RANBP2: variants seen among roughly 807,000 people sequenced by gnomAD.
The protein encoded by RANBP2 is E3 SUMO-protein ligase RanBP2.
A neutral mutation model predicts 303.6 loss-of-function variants in RANBP2; 57 were observed. That is an observed-to-expected ratio of 0.19 (90% CI 0.15 to 0.23). The LOEUF (loss-of-function observed/expected upper bound fraction) is 0.23, where lower values mean the gene tolerates loss of function less well. Ranked by LOEUF, RANBP2 falls within the 10% of genes least tolerant of loss-of-function variation. The pLI, the probability that RANBP2 is intolerant of heterozygous loss-of-function variation, is 1.00. For synonymous variants in RANBP2, 1,167 were observed against 1,301.5 expected, an observed-to-expected ratio of 0.90 and a Z score of 2.23; for missense variants, 3,138 against 3,780.8, an observed-to-expected ratio of 0.83 and a Z score of 4.46.
At chr2:109,423,931 A>G in the RANBP2 span, among the ~76,000 whole-genome samples, 1 of 152,208 alleles carries the variant, frequency 6.6e-6, no homozygotes, top group Non-Finnish European at 1.5e-5. Flanking sequence ...AAGTGGGAAG[A>G]GCAGAGAATT....
the RANBP2 span, among the ~76,000 whole-genome samples, chr2:109,582,697 AC>A: frequency 6.6e-6 from 1 of 152,204 alleles, no homozygotes; most frequent in Non-Finnish European, 1.5e-5. Context: ...TCATAAAGAA[AC>A]AAAAAAGAGA....
chr2:109,613,041 T>C, the RANBP2 span: 3 of 549,348 alleles, frequency 5.5e-6, no homozygotes, highest in East Asian at 2.0e-4. Context: ...TATCAAAAAT[T>C]AAAAGGGAGA....
At chr2:109,292,930 C>T in the RANBP2 span, among the ~76,000 whole-genome samples, 1 of 152,154 alleles carries the variant, frequency 6.6e-6, no homozygotes, top group East Asian at 1.9e-4. Flanking sequence ...CAGGGTTTCA[C>T]CATGTTGGTC....
At chr2:108,810,896 C>G in the RANBP2 span, among the ~76,000 whole-genome samples, 1 of 152,070 alleles carries the variant, frequency 6.6e-6, no homozygotes, top group Non-Finnish European at 1.5e-5. Context: ...TCTGTTTCTT[C>G]TTGGTTCAGT....
At chr2:109,522,302 T>A in the RANBP2 span, among the ~76,000 whole-genome samples, 1 of 151,944 alleles carries the variant, frequency 6.6e-6, no homozygotes, top group South Asian at 2.1e-4. Context: ...ACCTTTTTTT[T>A]TTTTTTGAGA....
At chr2:109,075,510 G>A in the RANBP2 span, among the ~76,000 whole-genome samples, 1 of 146,234 alleles carries the variant, frequency 6.8e-6, no homozygotes, top group African/African-American at 2.5e-5. Context: ...ATAGGCATGA[G>A]CCACCGTGCC....
At chr2:109,093,672 AAAC>A in the RANBP2 span, among the ~76,000 whole-genome samples, 6 of 152,196 alleles carry the variant, frequency 3.9e-5, no homozygotes, top group Non-Finnish European at 8.8e-5. Context: ...GTTTAGTTAA[AAAC>A]TGATATACAA....
At chr2:109,309,596 T>C in the RANBP2 span, among the ~76,000 whole-genome samples, 3 of 129,178 alleles carry the variant, frequency 2.3e-5, no homozygotes, top group Non-Finnish European at 4.7e-5. Context: ...TGTGCTGTAT[T>C]CAGGAAACCC....
the RANBP2 span, chr2:109,449,093 G>A: frequency 6.7e-7 from 1 of 1,499,286 alleles, no homozygotes; most frequent in Non-Finnish European, 9.0e-7. Flanking sequence ...GCCTGAGTGT[G>A]CATTGCAGCT....
the RANBP2 span, among the ~76,000 whole-genome samples, chr2:109,590,033 T>A: frequency 6.8e-6 from 1 of 147,098 alleles, no homozygotes; most frequent in Admixed American, 6.8e-5. Context: ...CACACACATA[T>A]ATACACACAT....
chr2:108,886,738 T>TTAA, the RANBP2 span, among the ~76,000 whole-genome samples: 2 of 151,080 alleles, frequency 1.3e-5, no homozygotes, highest in South Asian at 2.1e-4. Context: ...TAATGGGATT[T>TTAA]AAAAAAAAAA....
At chr2:109,491,062 C>A in the RANBP2 span, 1 of 874,318 alleles carries the variant, frequency 1.1e-6, no homozygotes, top group Non-Finnish European at 1.6e-6. Flanking sequence ...TACCTCAACA[C>A]CCAGATCCAC....
the RANBP2 span, among the ~76,000 whole-genome samples, chr2:108,832,031 C>CT: frequency 6.6e-6 from 1 of 150,956 alleles, no homozygotes; most frequent in Admixed American, 6.6e-5. Flanking sequence ...CCACGCACAG[C>CT]TTTTTTTCTC....
At chr2:109,508,657 C>T in the RANBP2 span, among the ~76,000 whole-genome samples, 1 of 152,086 alleles carries the variant, frequency 6.6e-6, no homozygotes, top group Non-Finnish European at 1.5e-5. Flanking sequence ...CAGATGAAAG[C>T]CTGGAGACAG....
At chr2:109,103,208 C>A in the RANBP2 span, among the ~76,000 whole-genome samples, 14 of 152,200 alleles carry the variant, frequency 9.2e-5, no homozygotes, top group Admixed American at 2.0e-4. Context: ...TCTGCCCTAA[C>A]GTTATAACTA....
chr2:109,000,419 G>T, the RANBP2 span, among the ~76,000 whole-genome samples: 4 of 152,008 alleles, frequency 2.6e-5, no homozygotes, highest in Admixed American at 2.6e-4. Flanking sequence ...CCCAGCTATC[G>T]GGAGGCTGAG....
chr2:109,287,603 C>T, the RANBP2 span, among the ~76,000 whole-genome samples: 5 of 152,294 alleles, frequency 3.3e-5, no homozygotes, highest in Non-Finnish European at 4.4e-5. Flanking sequence ...TATACCCAGG[C>T]GCAGGTGGTT....
the RANBP2 span, among the ~76,000 whole-genome samples, chr2:108,843,886 C>CTTT: frequency 3.3e-4 from 31 of 93,972 alleles, 5 homozygotes; most frequent in South Asian, 1.5e-3. Context: ...GTGTTTCTTT[C>CTTT]TTTTTTTTTT....
chr2:109,556,962 A>G, the RANBP2 span, among the ~76,000 whole-genome samples: 2 of 152,122 alleles, frequency 1.3e-5, no homozygotes, highest in African/African-American at 4.8e-5. Flanking sequence ...ATAGATGGGA[A>G]TTCAACAATG....
Sources: gnomAD v4.1 joint callset for allele counts (sites outside exome capture counted in the v4.1 genomes callset) on GRCh38, gnomAD v4.1.1 for gene constraint, MANE v1.5 for transcripts, NCBI Gene and HGNC (gene_info 2026-07-23, HGNC 2026-07-21) for gene names.